Variants in RPL10 observed in about 807,000 individuals in gnomAD.
RPL10 encodes the protein ribosomal protein L10, also known as large ribosomal subunit protein uL16.
A neutral mutation model predicts 15.7 loss-of-function variants in RPL10; 1 was observed. The observed-to-expected ratio is 0.06, with a 90% CI of 0.02 to 0.30. The LOEUF (loss-of-function observed/expected upper bound fraction) is 0.30, where lower values mean the gene tolerates loss of function less well. Ranked by LOEUF, RPL10 falls within the 10% of genes least tolerant of loss-of-function variation. The pLI, the probability that RPL10 is intolerant of heterozygous loss-of-function variation, is 1.00. For missense variants in RPL10, 54 were observed against 183.4 expected (o/e 0.29, Z 4.08); for synonymous variants, 59 against 64.0 (o/e 0.92, Z 0.37).
chrX:154,398,203 G>C (rs782518238), upstream of RPL10: 13 of 457,755 alleles, frequency 2.8e-5, no homozygotes, highest in Non-Finnish European at 4.8e-5. Flanking sequence ...CTGGTACCCG[G>C]TCACCTCTCT....
chrX:154,398,384 C>G lies in RPL10; in HGVS notation c.-34C>G. On this transcript the variant is annotated 5_prime_UTR_variant, in exon 1 of 7. Transcript: ENST00000369817. The stretch of plus-strand genomic sequence containing the variant: ...GCGCAGGCGGAGGAGCGCCTCTTTC[C>G]CTTCGGTGTGGTGAGTAAGCGCAGT... 1.2e-6 allele frequency: 1 copy of G among 805,434 alleles called. No individual in the cohort carries two copies. The highest frequency in any genetic ancestry group is 1.9e-6 in the Non-Finnish European group (1 of 529,972). The allele number at this position is 805,434 out of a possible 1,213,427, so 66.4% of individuals were successfully genotyped here.
At position 154,401,235 on chromosome X, in the gene RPL10, C is replaced by T. The variant is rs1454999000; in HGVS notation, c.*381C>T. 3.7e-6 allele frequency: 1 copy of T among 268,725 alleles called. No individual in the cohort carries two copies. The highest frequency in any genetic ancestry group is 2.8e-5 in the African/African-American group (1 of 35,268). The allele number at this position is 268,725 out of a possible 1,213,427, so 22.1% of individuals were successfully genotyped here. ...TACAACACATGCGGACCAAGAGGGG[C>T]TTGTGGGCTAGAGGCTGACCAGCAG... On this transcript the variant is annotated 3_prime_UTR_variant, in exon 7 of 7. Transcript: ENST00000369817.
rs781973415 is a variant in RPL10, at chrX:154,400,838, G to A, written c.629G>A (p.Arg210Gln). ...IPSRGPLDKWRALHS is the reference protein window; with the variant it reads ...IPSRGPLDKWQALHS The stretch of plus-strand genomic sequence containing the variant: ...AGTCGTGGCCCTCTGGACAAGTGGC[G>A]GGCCCTGCACTCATGAGGGCTTCCA... The change falls in exon 7 of 7, where the codon CGG becomes CAG. Residue 210 changes from arginine to glutamine, a missense_variant. Physicochemically the swap from Arg to Gln is conservative, Grantham distance 43. Coordinates refer to ENST00000369817, the MANE Select transcript of RPL10 (RefSeq NM_006013.5). 67 of 1,209,628 alleles carry A rather than the reference G, an allele frequency of 5.5e-5. No homozygotes were observed. In the South Asian group the frequency reaches 9.9e-4, roughly 18 times the overall value.
chrX:154,398,825 G>C (rs2067963957), intron 2 of RPL10: 2 of 418,544 alleles, frequency 4.8e-6, no homozygotes, highest in Non-Finnish European at 8.6e-6. Context: ...TGGGGCCTTT[G>C]TGTGCGTTCT....
chrX:154,400,614 T>C lies in RPL10; in HGVS notation c.480T>C (p.Pro160=). The change falls in exon 6 of 7, where the codon CCT becomes CCC. Residue 160 remains proline (P), a synonymous_variant. Coordinates refer to ENST00000369817, the MANE Select transcript of RPL10 (RefSeq NM_006013.5). ...EALRRAKFKF[P]GRQKIHISKK... is the part of the protein sequence containing the mutation. Reference sequence around the variant, plus strand: ...TGCGCAGGGCCAAGTTCAAGTTTCCTGGCCGCCAGAAGGTATGTAGTGCTG... The same window carrying C: ...TGCGCAGGGCCAAGTTCAAGTTTCCCGGCCGCCAGAAGGTATGTAGTGCTG... The C allele has an allele frequency of 8.3e-7, 1 of 1,211,509 alleles. No individual in the cohort carries two copies. The highest frequency in any genetic ancestry group is 1.7e-5 in the African/African-American group (1 of 57,760).
Position 154,401,693 on chromosome X carries a change from C to T in RPL10, c.*839C>T, listed in dbSNP as rs2068040230. On this transcript the variant is annotated 3_prime_UTR_variant, in exon 7 of 7. Coordinates refer to ENST00000369817, the MANE Select transcript of RPL10 (RefSeq NM_006013.5). ...TCCCAGAGCTGGGGTATGTTGGCCC[C>T]AGCCCCCAGCCTGTGGCTCCCAAAA... The T allele has an allele frequency of 1.8e-5, 2 of 112,083 alleles. No individual in the cohort carries two copies. Among genetic ancestry groups the T allele is most frequent in the African/African-American group, 6.5e-5 (2 of 30,794 alleles). The allele number at this position is 112,083 out of a possible 1,213,427, so 9.2% of individuals were successfully genotyped here. A position where few individuals can be genotyped will look rare whatever the true frequency, so the allele number is the denominator to read the frequency against.
At chrX:154,398,877 G>C in intron 2 of RPL10, 2 of 374,069 alleles carry the variant, frequency 5.3e-6, no homozygotes, top group East Asian at 1.0e-4. Context: ...GTTGTCGGAC[G>C]TGAAGGGCAG....
At chrX:154,398,774 T>G (rs1557185004) in intron 2 of RPL10, 2 of 450,397 alleles carry the variant, frequency 4.4e-6, no homozygotes, top group Non-Finnish European at 7.9e-6. Context: ...TCTGCCTGTG[T>G]CCTGCAAGCT....
chrX:154,398,829 G>A (rs1292898383), intron 2 of RPL10: 2 of 414,417 alleles, frequency 4.8e-6, no homozygotes, highest in African/African-American at 2.5e-5. Flanking sequence ...GCCTTTGTGT[G>A]CGTTCTCTGT....
rs782606572 is a variant in RPL10 at position 154,400,689 on chromosome X, C to T, written c.493-13C>T. The T allele has an allele frequency of 6.6e-6, 8 of 1,209,501 alleles. No homozygotes were observed. Among genetic ancestry groups the T allele is most frequent in the African/African-American group, 1.8e-5 (1 of 57,051 alleles). The stretch of plus-strand genomic sequence containing the variant: ...CCAGGCCTCCTGACTCAGTTCTTTC[C>T]ATTGCTCCTTAGATCCACATCTCAA... On this transcript the variant is annotated splice_polypyrimidine_tract_variant and intron_variant, in intron 6 of 6. Transcript: ENST00000369817.
At position 154,400,241 on chromosome X, in the gene RPL10, AG is replaced by A. The variant is rs1251728619; in HGVS notation, c.330-221del. 3 of 569,140 alleles carry A rather than the reference AG, an allele frequency of 5.3e-6. No homozygotes were observed. The East Asian group carries it at 9.8e-5, about 19-fold the overall frequency. 46.9% of individuals were successfully genotyped at this position (569,140 alleles called of 1,213,427 possible). ...GCCAGCAGGTAGCTGAAGCTGGCAG[AG>A]GAGCCCAGTGGCGCCTTTTCAGTGG... On this transcript the variant is annotated intron_variant, in intron 5 of 6. Coordinates refer to ENST00000369817, the MANE Select transcript of RPL10 (RefSeq NM_006013.5).
chrX:154,400,422 G>C, intron 5 of RPL10, 42 bp from the exon 6 acceptor site: 1 of 1,193,854 alleles, frequency 8.4e-7, no homozygotes, highest in Non-Finnish European at 1.1e-6. Flanking sequence ...AGGCCTTTCA[G>C]GTGGATGTTC....
In RPL10 at chrX:154,399,834, G is replaced by A. The variant is rs1557185449; in HGVS notation, c.222G>A (p.Lys74=). The change falls in exon 5 of 7, where the codon AAG becomes AAA. Residue 74 remains lysine, a synonymous_variant. Transcript: ENST00000369817. The part of the protein sequence containing the change: ...ALEAARICAN[K]YMVKSCGKDG... ...AGGCTGCCCGAATTTGTGCCAATAA[G>A]TACATGGTAAAAAGTTGTGGCAAAG... 5.8e-6 allele frequency: 7 copies of A among 1,210,434 alleles called. No individual in the cohort carries two copies. Among genetic ancestry groups the A allele is most frequent in the Admixed American group, 4.4e-5 (2 of 45,816 alleles).
chrX:154,401,474 C>T lies in RPL10; in HGVS notation c.*620C>T, dbSNP rs2068032765. On this transcript the variant is annotated 3_prime_UTR_variant, in exon 7 of 7. Coordinates refer to ENST00000369817, the MANE Select transcript of RPL10 (RefSeq NM_006013.5). ...TTCACCACCTGACCAAAGGTCTAGG[C>T]TAACCTTTGGTCATTTGTAACAAGA... 1 of 127,155 alleles carries T rather than the reference C, an allele frequency of 7.9e-6. No individual in the cohort carries two copies. The highest frequency in any genetic ancestry group is 7.8e-5 in the Admixed American group (1 of 12,827). The allele number at this position is 127,155 out of a possible 1,213,427, so 10.5% of individuals were successfully genotyped here.
chrX:154,399,704 A>G (rs2067986678), intron 4 of RPL10, 99 bp from the exon 5 acceptor site: 1 of 1,172,667 alleles, frequency 8.5e-7, no homozygotes, highest in African/African-American at 1.8e-5. Context: ...TGAGCCTTAC[A>G]AAACTCAGCC....
At chrX:154,399,778 T>G in intron 4 of RPL10, 25 bp from the exon 5 acceptor site, 1 of 1,210,505 alleles carries the variant, frequency 8.3e-7, no homozygotes, top group Non-Finnish European at 1.1e-6. Context: ...TCTCTCACTT[T>G]GCTGCTTTTC....
chrX:154,402,190 A>G lies in RPL10; in HGVS notation c.*1336A>G, dbSNP rs1249186995. The G allele has an allele frequency of 8.1e-6, 1 of 123,475 alleles. No homozygotes were observed. The highest frequency in any genetic ancestry group is 1.7e-5 in the Non-Finnish European group (1 of 59,985). 10.2% of individuals were successfully genotyped at this position (123,475 alleles called of 1,213,427 possible). On this transcript the variant is annotated 3_prime_UTR_variant, in exon 7 of 7. Transcript: ENST00000369817. ...CTGACTGCATTGTTCACCGGATTAT[A>G]ATGAGCCAAAATGTTTCCCGGTGTT...
chrX:154,398,956 T>C (rs2070821), intron 2 of RPL10: 58,891 of 356,704 alleles, frequency 0.17, 5,388 homozygotes, highest in African/African-American at 0.5. Context: ...CCACTCGGCT[T>C]GGAGGTGGAT....
Position 154,401,340 on chromosome X carries a change from AATC to A in RPL10, c.*490_*492del, listed in dbSNP as rs1251905421. 3 of 185,845 alleles carry A rather than the reference AATC, an allele frequency of 1.6e-5. No homozygotes were observed. The highest frequency in any genetic ancestry group is 3.0e-5 in the Non-Finnish European group (3 of 99,409). The allele number at this position is 185,845 out of a possible 1,213,427, so 15.3% of individuals were successfully genotyped here. On this transcript the variant is annotated 3_prime_UTR_variant, in exon 7 of 7. Transcript: ENST00000369817. ...GGTTTGGCCATTCCTCCTTGGTGGG[AATC>A]ATCCAGGTACTGCTGAGGTCACCTG...
Sources: gnomAD v4.1 joint callset for allele counts on GRCh38, gnomAD v4.1.1 for gene constraint, MANE v1.5 for transcripts, NCBI Gene and HGNC (gene_info 2026-07-23, HGNC 2026-07-21) for gene names.